The following CLASP2 variants were observed in gnomAD, a reference collection of about 807,000 sequenced individuals.
The protein encoded by CLASP2 is CLIP-associating protein 2.
In CLASP2, 47 loss-of-function variants were observed where a neutral mutation model predicts 194.4. The observed-to-expected ratio is 0.24, with a 90% CI of 0.19 to 0.31. The LOEUF (loss-of-function observed/expected upper bound fraction) is 0.31, where lower values mean the gene tolerates loss of function less well. Among genes scored for constraint, CLASP2 ranks in the 10% least tolerant of loss-of-function variants. The pLI is 1.00. For synonymous variants in CLASP2, 619 were observed against 633.5 expected (o/e 0.98, Z 0.34); for missense variants, 1,445 against 1,823.6 (o/e 0.79, Z 3.78).
chr3:33,506,882 G>T (rs904146762), intron 37 of CLASP2, among the ~76,000 whole-genome samples: 1 of 149,788 alleles, frequency 6.7e-6, no homozygotes, highest in African/African-American at 2.4e-5. Flanking sequence ...TTTGTAATAC[G>T]TTTTAAAATT....
At chr3:33,516,193 A>G (rs2051261123) in intron 35 of CLASP2, 42 bp from the exon 36 acceptor site, 6 of 1,541,674 alleles carry the variant, frequency 3.9e-6, no homozygotes, top group Non-Finnish European at 5.2e-6. Flanking sequence ...TTTGGGTTGT[A>G]GATAATCTTT....
intron 7 of CLASP2, among the ~76,000 whole-genome samples, chr3:33,653,325 T>C (rs1329711899): frequency 6.6e-6 from 1 of 151,702 alleles, no homozygotes. Flanking sequence ...GAGATAAACA[T>C]TAAAAAGCAG....
At chr3:33,641,198 T>C (rs1294517766) in intron 8 of CLASP2, among the ~76,000 whole-genome samples, 1 of 151,922 alleles carries the variant, frequency 6.6e-6, no homozygotes, top group African/African-American at 2.4e-5. Context: ...TATAAGAACA[T>C]TAAAGAATTG....
At chr3:33,577,298 T>A (rs1001664022) in intron 23 of CLASP2, 116 of 1,557,780 alleles carry the variant, frequency 7.4e-5, no homozygotes, top group Non-Finnish European at 9.8e-5. Context: ...CCTCATCTAT[T>A]ACCACAGAAA....
At chr3:33,645,457 G>A (rs893421004) in intron 7 of CLASP2, 20 of 661,400 alleles carry the variant, frequency 3.0e-5, no homozygotes, top group South Asian at 3.6e-5. Flanking sequence ...GGTTTGTGCC[G>A]GCATTTTTCT....
chr3:33,655,977 C>T (rs962662773), intron 7 of CLASP2, among the ~76,000 whole-genome samples: 4 of 152,154 alleles, frequency 2.6e-5, no homozygotes, highest in Admixed American at 2.0e-4. Context: ...TCCTCTTGCC[C>T]GCTTTTTGAG....
intron 10 of CLASP2, among the ~76,000 whole-genome samples, chr3:33,624,499 T>C (rs570727070): frequency 2.0e-5 from 3 of 152,112 alleles, no homozygotes; most frequent in Non-Finnish European, 4.4e-5. Context: ...AAGACAAATA[T>C]AGTAGTTTCC....
chr3:33,584,211 T>C (rs1337740950), intron 22 of CLASP2, among the ~76,000 whole-genome samples: 2 of 152,004 alleles, frequency 1.3e-5, no homozygotes. Flanking sequence ...CACAATAACC[T>C]TTTCCTTTAA....
intron 6 of CLASP2, among the ~76,000 whole-genome samples, chr3:33,675,372 T>C (rs998886332): frequency 2.6e-5 from 4 of 151,944 alleles, no homozygotes; most frequent in African/African-American, 9.7e-5. Flanking sequence ...AAAAGGCCTT[T>C]GACAAAATTC....
At chr3:33,580,436 G>A (rs2065799424) in intron 23 of CLASP2, among the ~76,000 whole-genome samples, 2 of 152,028 alleles carry the variant, frequency 1.3e-5, no homozygotes, top group South Asian at 4.1e-4. Context: ...GGTGGTGGGT[G>A]CCTGTAATCC....
chr3:33,514,845 G>A (rs1049714424), intron 36 of CLASP2, among the ~76,000 whole-genome samples: 2 of 151,818 alleles, frequency 1.3e-5, no homozygotes, highest in African/African-American at 4.8e-5. Flanking sequence ...CACACCATGT[G>A]TATGTGTATA....
chr3:33,639,042 C>A (rs1400779676), intron 8 of CLASP2, among the ~76,000 whole-genome samples: 2 of 152,178 alleles, frequency 1.3e-5, no homozygotes, highest in Admixed American at 1.3e-4. Flanking sequence ...AAGTTTAAAA[C>A]CATGAATTAA....
At chr3:33,628,999 T>C (rs531622913) in intron 9 of CLASP2, among the ~76,000 whole-genome samples, 1 of 151,762 alleles carries the variant, frequency 6.6e-6, no homozygotes, top group East Asian at 1.9e-4. Context: ...TAAATACTGG[T>C]AGAAGAACAA....
chr3:33,533,606 T>C (rs2056763195), intron 34 of CLASP2, among the ~76,000 whole-genome samples: 2 of 152,246 alleles, frequency 1.3e-5, no homozygotes, highest in East Asian at 1.9e-4. Flanking sequence ...TTACTTAAAC[T>C]AGCCAACTAT....
Position 33,698,574 on chromosome 3 carries a change from A to G in CLASP2, c.196-1641T>C, listed in dbSNP as rs913246735. Among the ~76,000 whole-genome samples the G allele has an allele frequency of 2.6e-5, 4 of 152,340 alleles. No individual in the cohort carries two copies. The East Asian group carries it at 5.8e-4, about 22-fold the overall frequency. ...AAGCACAAGAAAATAGGGAAAACCT[A>G]AAGTGCAGAGTTGAGTAGAAACTTG... On this transcript the variant is annotated intron_variant, in intron 1 of 38. Transcript: ENST00000682230.
At chr3:33,538,970 CT>C in intron 32 of CLASP2, 28 bp from the exon 33 acceptor site, 1 of 1,516,968 alleles carries the variant, frequency 6.6e-7, no homozygotes, top group Non-Finnish European at 8.9e-7. Context: ...CTAATTTTTA[CT>C]TAGGTGTAGT....
chr3:33,535,305 T>G lies in CLASP2; in HGVS notation c.3715A>C (p.Ser1239Arg), dbSNP rs748204669. 1.9e-6 allele frequency: 3 copies of G among 1,614,004 alleles called. No individual in the cohort carries two copies. Among genetic ancestry groups the G allele is most frequent in the Non-Finnish European group, 2.5e-6 (3 of 1,179,866 alleles). ...RDYNPYNYSD[S>R]ISPFNKSALK... ...GCAGACTTGTTGAAGGGACTGATGC[T>G]ATCTGAATAGTTATATGGATTATAG... The change falls in exon 34 of 39, where the codon AGC becomes CGC. Residue 1239 changes from serine to arginine, a missense_variant. By Grantham distance (110) the Ser-to-Arg change is moderately radical. This residue lies in a region of CLASP2 where 732 missense variants were observed against 987.9 expected (regional missense o/e 0.74). Coordinates refer to ENST00000682230, the MANE Select transcript of CLASP2 (RefSeq NM_001365631.1).
chr3:33,629,667 C>T (rs2078697698), intron 9 of CLASP2, among the ~76,000 whole-genome samples: 1 of 151,504 alleles, frequency 6.6e-6, no homozygotes, highest in South Asian at 2.1e-4. Flanking sequence ...AAATCATGAG[C>T]CCTAACATGT....
At chr3:33,596,816 T>G in intron 18 of CLASP2, 82 bp from the exon 19 acceptor site, 1 of 1,167,718 alleles carries the variant, frequency 8.6e-7, no homozygotes, top group Non-Finnish European at 1.2e-6. Context: ...AGAAAACATT[T>G]TCTTTAAGAA....
Sources: allele counts gnomAD v4.1 joint callset (sites outside exome capture counted in the v4.1 genomes callset), GRCh38; gene constraint gnomAD v4.1.1; regional missense constraint gnomAD v4.1.1; transcripts MANE v1.5; gene names NCBI Gene and HGNC (gene_info 2026-07-23, HGNC 2026-07-21).